Variants in LEKR1 observed in about 807,000 individuals in gnomAD.
LEKR1 encodes the protein leucine, glutamate and lysine rich 1, also known as protein LEKR1.
A neutral mutation model predicts 72.4 loss-of-function variants in LEKR1; 59 were observed. The observed-to-expected ratio is 0.82, with a 90% CI of 0.66 to 1.01. The LOEUF is 1.01. LEKR1 is among the 50% of genes least tolerant of loss of function. LEKR1 has a pLI of 0.00. For synonymous variants in LEKR1, 257 were observed against 263.2 expected (o/e 0.98, Z 0.23); for missense variants, 728 against 759.2 (o/e 0.96, Z 0.48).
rs570830023 is a variant in LEKR1 at position 157,028,103 on chromosome 3, A to G, written c.1369A>G (p.Ile457Val). ...KKEQEELQMK[I>V]SDLITGATRD... The stretch of plus-strand genomic sequence containing the variant: ...AGCTAATATGAGATTTATCTTACAG[A>G]TATCTGACTTAATCACAGGCGCTAC... Residue 457 changes from isoleucine to valine, a missense_variant and splice_region_variant, in exon 12 of 13, where the codon ATA becomes GTA. Coordinates refer to ENST00000356539, the MANE Select transcript of LEKR1 (RefSeq NM_001004316.3). 5.8e-6 allele frequency: 9 copies of G among 1,553,620 alleles called. No homozygotes were observed. In the African/African-American group the frequency reaches 9.7e-5, roughly 17 times the overall value.
intron 3 of LEKR1, among the ~76,000 whole-genome samples, chr3:156,861,442 A>G (rs1381095892): frequency 6.6e-6 from 1 of 152,096 alleles, no homozygotes; most frequent in East Asian, 1.9e-4. Context: ...TTCTTATGGG[A>G]TGGGGCCTAC....
intron 10 of LEKR1, among the ~76,000 whole-genome samples, chr3:157,018,000 A>G (rs1346242872): frequency 2.0e-5 from 3 of 151,750 alleles, no homozygotes; most frequent in Non-Finnish European, 4.4e-5. Context: ...TATTACTATC[A>G]ACAAAGTAGA....
At chr3:156,882,595 A>G (rs1358599891) in intron 3 of LEKR1, among the ~76,000 whole-genome samples, 4 of 152,198 alleles carry the variant, frequency 2.6e-5, no homozygotes, top group South Asian at 2.1e-4. Flanking sequence ...TCAGTGTGGC[A>G]ATTCCTCAGG....
intron 4 of LEKR1, among the ~76,000 whole-genome samples, chr3:156,926,687 T>C (rs925867727): frequency 2.0e-5 from 3 of 151,994 alleles, no homozygotes; most frequent in African/African-American, 7.2e-5. Context: ...TTTCATTCAA[T>C]ATTTGTTGAG....
intron 6 of LEKR1, among the ~76,000 whole-genome samples, chr3:156,945,668 T>A (rs1726613423): frequency 6.6e-6 from 1 of 151,812 alleles, no homozygotes; most frequent in Non-Finnish European, 1.5e-5. Context: ...CATCTGCATA[T>A]GGATATCCTG....
intron 3 of LEKR1, among the ~76,000 whole-genome samples, chr3:156,903,514 T>C (rs981213006): frequency 1.3e-5 from 2 of 152,178 alleles, no homozygotes; most frequent in Non-Finnish European, 2.9e-5. Flanking sequence ...GACTCTTGGT[T>C]GTGACTAAAA....
At chr3:157,014,717 A>G (rs954222955) in intron 10 of LEKR1, among the ~76,000 whole-genome samples, 1 of 152,192 alleles carries the variant, frequency 6.6e-6, no homozygotes, top group Non-Finnish European at 1.5e-5. Context: ...AAAATTTTAG[A>G]TCAGGAGTGG....
In LEKR1 at chr3:156,906,158, G is replaced by C. The variant is rs1253234491; in HGVS notation, c.264-14417G>C. Reference sequence around the variant, plus strand: ...GTGTTTTCTAAAGTGTTTCATTATAGAGTGGAGGGAAGTTAAAAGGGAGTT... The same window carrying C: ...GTGTTTTCTAAAGTGTTTCATTATACAGTGGAGGGAAGTTAAAAGGGAGTT... On this transcript the variant is annotated intron_variant, in intron 3 of 12. Coordinates refer to ENST00000356539, the MANE Select transcript of LEKR1 (RefSeq NM_001004316.3). Among the ~76,000 whole-genome samples, 3 of 152,152 alleles carry C rather than the reference G, an allele frequency of 2.0e-5. No individual in the cohort carries two copies. In the East Asian group the frequency reaches 5.8e-4, roughly 29 times the overall value.
intron 3 of LEKR1, among the ~76,000 whole-genome samples, chr3:156,899,578 A>G (rs1374446429): frequency 7.0e-6 from 1 of 143,802 alleles, no homozygotes; most frequent in African/African-American, 2.5e-5. Context: ...GTATATATAC[A>G]TATACATGTA....
chr3:156,967,675 A>G (rs1365428093), intron 6 of LEKR1, among the ~76,000 whole-genome samples: 3 of 152,240 alleles, frequency 2.0e-5, no homozygotes, highest in Admixed American at 6.5e-5. Context: ...TGATGGGGAG[A>G]ATGGAACCAA....
At chr3:157,006,978 G>T (rs1225307004) in intron 9 of LEKR1, among the ~76,000 whole-genome samples, 1 of 152,120 alleles carries the variant, frequency 6.6e-6, no homozygotes, top group Non-Finnish European at 1.5e-5. Context: ...GAGGTGGGCG[G>T]ATCATAAGGT....
intron 6 of LEKR1, among the ~76,000 whole-genome samples, chr3:156,969,400 C>G (rs183738801): frequency 3.9e-5 from 6 of 152,002 alleles, no homozygotes; most frequent in African/African-American, 1.2e-4. Context: ...AGAAAAGAGA[C>G]AAGAATCAAA....
At position 156,941,584 on chromosome 3, in the gene LEKR1, C is replaced by A. The variant is rs908588386; in HGVS notation, c.560-945C>A. Among the ~76,000 whole-genome samples, 15 of 152,202 alleles carry A rather than the reference C, an allele frequency of 9.9e-5. No homozygotes were observed. The East Asian group carries it at 2.5e-3, about 25-fold the overall frequency. On this transcript the variant is annotated intron_variant, in intron 5 of 12. Coordinates refer to ENST00000356539, the MANE Select transcript of LEKR1 (RefSeq NM_001004316.3). ...AAACCAACCACTTTTGACATCTCGT[C>A]ACATGTTGAACCTATCACATAGTCC...
chr3:156,923,755 G>C (rs1177119509), intron 4 of LEKR1, among the ~76,000 whole-genome samples: 1 of 151,004 alleles, frequency 6.6e-6, no homozygotes, highest in East Asian at 1.9e-4. Context: ...TGAGACGGAG[G>C]CTCGCTCTAT....
At chr3:156,985,988 G>T (rs1240024526) in intron 7 of LEKR1, among the ~76,000 whole-genome samples, 1 of 152,088 alleles carries the variant, frequency 6.6e-6, no homozygotes, top group Non-Finnish European at 1.5e-5. Flanking sequence ...AACAGAGATT[G>T]CAGTGATGTG....
chr3:156,965,142 C>T (rs988393336), intron 6 of LEKR1, among the ~76,000 whole-genome samples: 1 of 152,132 alleles, frequency 6.6e-6, no homozygotes, highest in East Asian at 1.9e-4. Flanking sequence ...AGTATTTTTC[C>T]TATGTGATAG....
At chr3:156,918,168 T>C (rs1326878412) in intron 3 of LEKR1, among the ~76,000 whole-genome samples, 3 of 152,130 alleles carry the variant, frequency 2.0e-5, no homozygotes, top group African/African-American at 4.8e-5. Context: ...CTAAATATAA[T>C]TTAATAAAAA....
At chr3:156,898,378 TAAAAAAAGA>T (rs1721415549) in intron 3 of LEKR1, among the ~76,000 whole-genome samples, 1 of 151,330 alleles carries the variant, frequency 6.6e-6, no homozygotes, top group Admixed American at 6.6e-5. Flanking sequence ...TTGGGCAAGA[TAAAAAAAGA>T]AAAAAAAATC....
intron 6 of LEKR1, among the ~76,000 whole-genome samples, chr3:156,975,460 TAA>T (rs1473299625): frequency 6.6e-6 from 1 of 152,228 alleles, no homozygotes; most frequent in African/African-American, 2.4e-5. Flanking sequence ...AAGCTTGAAA[TAA>T]CTTTCCACTA....
Sources: gnomAD v4.1 joint callset for allele counts (sites outside exome capture counted in the v4.1 genomes callset) on GRCh38, gnomAD v4.1.1 for gene constraint, MANE v1.5 for transcripts, NCBI Gene and HGNC (gene_info 2026-07-23, HGNC 2026-07-21) for gene names.